The following BBOX1 variants were observed in gnomAD, a reference collection of about 807,000 sequenced individuals.
BBOX1 encodes gamma-butyrobetaine hydroxylase 1, also known as gamma-butyrobetaine dioxygenase.
In BBOX1, 35 loss-of-function variants were observed where a neutral mutation model predicts 41.6. That is an observed-to-expected ratio of 0.84 (90% confidence interval 0.64 to 1.11). The LOEUF (loss-of-function observed/expected upper bound fraction) is 1.11. Among genes scored for constraint, BBOX1 ranks in the 50% most tolerant of loss-of-function variants. The probability of loss-of-function intolerance (pLI) is 0.00; values close to 1 mark genes in which losing one functional copy is unlikely to be tolerated. For missense variants in BBOX1, 458 were observed against 460.6 expected, an observed-to-expected ratio of 0.99 and a Z score of 0.05; for synonymous variants, 163 against 154.7, an observed-to-expected ratio of 1.05 and a Z score of -0.40.
intron 4 of BBOX1, among the ~76,000 whole-genome samples, chr11:27,061,237 C>T (rs908795008): frequency 2.0e-5 from 3 of 152,102 alleles, no homozygotes; most frequent in Non-Finnish European, 4.4e-5. Flanking sequence ...AGTTTTATAG[C>T]TTACATTTTT....
chr11:27,049,197 C>G (rs189429015), intron 2 of BBOX1, among the ~76,000 whole-genome samples: 3 of 151,826 alleles, frequency 2.0e-5, no homozygotes, highest in African/African-American at 7.3e-5. Context: ...TTCCCACTAA[C>G]GGTGTACAAG....
chr11:27,078,268 G>A, intron 4 of BBOX1, among the ~76,000 whole-genome samples: 1 of 152,026 alleles, frequency 6.6e-6, no homozygotes, highest in East Asian at 1.9e-4. Flanking sequence ...CACTTCACTG[G>A]TAACATTGAA....
Position 27,041,451 on chromosome 11 carries a change from G to A in BBOX1, c.-66G>A, listed in dbSNP as rs1251424224. The A allele has an allele frequency of 6.6e-6, 1 of 152,152 alleles. No individual in the cohort carries two copies. Among genetic ancestry groups the A allele is most frequent in the African/African-American group, 2.4e-5 (1 of 41,442 alleles). The allele number at this position is 152,152 out of a possible 1,614,324, so 9.4% of individuals were successfully genotyped here. A position where few individuals can be genotyped will look rare whatever the true frequency, so the allele number is the denominator to read the frequency against. Reference sequence around the variant, plus strand: ...AATGCTCCCTCTCCAAAGGATCTAAGGACCAAAGCTGACAGTTTCTTTACT... The same window carrying A: ...AATGCTCCCTCTCCAAAGGATCTAAAGACCAAAGCTGACAGTTTCTTTACT... On this transcript the variant is annotated 5_prime_UTR_variant, in exon 2 of 9. Coordinates refer to ENST00000263182, the MANE Select transcript of BBOX1 (RefSeq NM_003986.3).
chr11:27,058,425 A>G (rs1857048468), intron 4 of BBOX1, among the ~76,000 whole-genome samples: 2 of 152,248 alleles, frequency 1.3e-5, no homozygotes, highest in African/African-American at 4.8e-5. Context: ...AGGCATTGCT[A>G]TAAAGATACC....
At chr11:27,077,423 T>TA (rs757185119) in intron 4 of BBOX1, among the ~76,000 whole-genome samples, 3 of 152,132 alleles carry the variant, frequency 2.0e-5, no homozygotes, top group Non-Finnish European at 2.9e-5. Context: ...TCTGGGGACT[T>TA]ACAGTTTTCC....
At chr11:27,123,669 C>T (rs919720473) in intron 7 of BBOX1, among the ~76,000 whole-genome samples, 3 of 152,108 alleles carry the variant, frequency 2.0e-5, no homozygotes, top group African/African-American at 7.2e-5. Flanking sequence ...GCAGCATGAA[C>T]TCTAAGGGGG....
chr11:27,080,027 C>T (rs1857782109), intron 4 of BBOX1, among the ~76,000 whole-genome samples: 1 of 152,084 alleles, frequency 6.6e-6, no homozygotes, highest in African/African-American at 2.4e-5. Flanking sequence ...TATTCCCATC[C>T]TGCTCTTTCT....
At chr11:27,089,945 A>G (rs188798234) in intron 4 of BBOX1, among the ~76,000 whole-genome samples, 12 of 152,174 alleles carry the variant, frequency 7.9e-5, no homozygotes, top group African/African-American at 2.6e-4. Context: ...AATTGGTATC[A>G]GATATTACAA....
At chr11:27,069,629 G>A (rs535294461) in intron 4 of BBOX1, among the ~76,000 whole-genome samples, 40 of 152,122 alleles carry the variant, frequency 2.6e-4, no homozygotes, top group Non-Finnish European at 3.7e-4. Flanking sequence ...TGGTGAAAGC[G>A]GGCATCCTTA....
chr11:27,049,817 C>T (rs1437967126), intron 2 of BBOX1, among the ~76,000 whole-genome samples: 1 of 152,116 alleles, frequency 6.6e-6, no homozygotes, highest in East Asian at 1.9e-4. Context: ...TGTCTCCTCA[C>T]TCTCTTTATT....
intron 2 of BBOX1, among the ~76,000 whole-genome samples, chr11:27,044,427 C>A (rs1313075812): frequency 6.6e-6 from 1 of 152,136 alleles, no homozygotes; most frequent in Non-Finnish European, 1.5e-5. Context: ...TGCAGAAGCT[C>A]TTTAGTTTAA....
At position 27,093,249 on chromosome 11, in the gene BBOX1, A is replaced by G; in HGVS notation, c.416A>G (p.Lys139Arg). 1 of 1,612,572 alleles carries G rather than the reference A, an allele frequency of 6.2e-7. No homozygotes were observed. The highest frequency in any genetic ancestry group is 1.1e-5 in the South Asian group (1 of 91,038). Residue 139 changes from lysine to arginine, a missense_variant, in exon 5 of 9, where the codon AAG becomes AGG. Physicochemically the swap from Lys to Arg is conservative, Grantham distance 26. Coordinates refer to ENST00000263182, the MANE Select transcript of BBOX1 (RefSeq NM_003986.3). Reference protein sequence around the residue: ...DVLRYDEHAYKWLSTLKKVGI... With the variant: ...DVLRYDEHAYRWLSTLKKVGI... Reference sequence around the variant, plus strand: ...TTAAGATATGATGAACACGCATACAAGTGGCTCTCCACCCTCAAGAAAGTA... The same window carrying G: ...TTAAGATATGATGAACACGCATACAGGTGGCTCTCCACCCTCAAGAAAGTA...
chr11:27,055,496 T>G lies in BBOX1; in HGVS notation c.66T>G (p.Tyr22Ter). The stretch of plus-strand genomic sequence containing the variant: ...CTCATTTGATGCAGATCCTCTGGTA[T>G]GATGAGGAAGAGTCTCTCTACCCAG... ...DGAHLMQILW[Y>*]DEEESLYPAV... Residue 22 changes from tyrosine (Y) to a stop codon, truncating the protein, a stop_gained, in exon 3 of 9, where the codon TAT (tyrosine) becomes TAG (stop). Coordinates refer to ENST00000263182, the MANE Select transcript of BBOX1 (RefSeq NM_003986.3). LOFTEE classifies it high-confidence loss of function. 1 of 1,614,182 alleles carries G rather than the reference T, an allele frequency of 6.2e-7. No individual in the cohort carries two copies. Among genetic ancestry groups the G allele is most frequent in the Non-Finnish European group, 8.5e-7 (1 of 1,180,036 alleles).
chr11:27,069,122 G>A (rs575264543), intron 4 of BBOX1, among the ~76,000 whole-genome samples: 5 of 151,836 alleles, frequency 3.3e-5, no homozygotes, highest in South Asian at 4.2e-4. Flanking sequence ...GAAGAATAAT[G>A]TTGATATTTT....
chr11:27,074,179 A>T (rs552994850), intron 4 of BBOX1, among the ~76,000 whole-genome samples: 1 of 152,028 alleles, frequency 6.6e-6, no homozygotes, highest in African/African-American at 2.4e-5. Flanking sequence ...GAGGCCTCCC[A>T]GTCATGCTTC....
At chr11:27,064,631 T>C (rs190669354) in intron 4 of BBOX1, among the ~76,000 whole-genome samples, 54 of 152,256 alleles carry the variant, frequency 3.5e-4, no homozygotes, top group African/African-American at 1.3e-3. Flanking sequence ...AAAAGGAGTT[T>C]AATAGACATG....
intron 4 of BBOX1, 45 bp downstream of exon 4, chr11:27,057,360 A>C: frequency 6.9e-7 from 1 of 1,442,014 alleles, no homozygotes; most frequent in Non-Finnish European, 9.6e-7. Flanking sequence ...CCCTTACAGT[A>C]AAGGATTTTT....
At chr11:27,051,798 A>C (rs911828119) in intron 2 of BBOX1, among the ~76,000 whole-genome samples, 2 of 151,816 alleles carry the variant, frequency 1.3e-5, no homozygotes, top group Admixed American at 6.6e-5. Context: ...TTTCTGCTCT[A>C]ATCTTTATTA....
chr11:27,111,179 C>G (rs1344152160), intron 5 of BBOX1, among the ~76,000 whole-genome samples: 1 of 151,728 alleles, frequency 6.6e-6, no homozygotes, highest in Non-Finnish European at 1.5e-5. Flanking sequence ...TATAAAAGAA[C>G]AAAATCACAG....
Sources: allele counts gnomAD v4.1 joint callset (sites outside exome capture counted in the v4.1 genomes callset), GRCh38; gene constraint gnomAD v4.1.1; transcripts MANE v1.5; gene names NCBI Gene and HGNC (gene_info 2026-07-23, HGNC 2026-07-21).